ZMYM2: variants seen among roughly 807,000 people sequenced by gnomAD.
The protein encoded by ZMYM2 is zinc finger MYM-type protein 2.
ZMYM2 carries 56 observed loss-of-function variants against 162.8 expected under a neutral mutation model. The observed-to-expected ratio is 0.34, with a 90% CI of 0.28 to 0.43. The LOEUF (loss-of-function observed/expected upper bound fraction) is 0.43. Among genes scored for constraint, ZMYM2 ranks in the 20% least tolerant of loss-of-function variants. ZMYM2 has a pLI of 1.00. For synonymous variants in ZMYM2, 510 were observed against 541.6 expected (o/e 0.94, Z 0.81); for missense variants, 1,275 against 1,621.8 (o/e 0.79, Z 3.67).
chr13:19,966,904 T>TA (rs2139185693), intron 2 of ZMYM2, among the ~76,000 whole-genome samples: 1 of 152,340 alleles, frequency 6.6e-6, no homozygotes, highest in African/African-American at 2.4e-5. Flanking sequence ...TCCTGTTTCT[T>TA]AGCCAAATAA....
chr13:20,002,703 G>C, intron 3 of ZMYM2, 147 bp from the exon 4 acceptor site: 2 of 935,420 alleles, frequency 2.1e-6, no homozygotes, highest in Non-Finnish European at 1.6e-6. Context: ...TCCAAAACTT[G>C]TGCTATATAC....
At chr13:19,898,240 T>C in the ZMYM2 span, among the ~76,000 whole-genome samples, 3 of 151,718 alleles carry the variant, frequency 2.0e-5, no homozygotes, top group South Asian at 6.2e-4. Context: ...ACACACTCTT[T>C]TTTTTTTTTT....
intron 23 of ZMYM2, among the ~76,000 whole-genome samples, chr13:20,083,444 C>G (rs992781419): frequency 6.6e-6 from 1 of 152,150 alleles, no homozygotes; most frequent in South Asian, 2.1e-4. Flanking sequence ...TTGTTAAGAA[C>G]CTAAGGACTG....
chr13:20,019,694 G>C (rs1329612336), intron 7 of ZMYM2, 76 bp downstream of exon 7: 1 of 1,305,198 alleles, frequency 7.7e-7, no homozygotes, highest in Non-Finnish European at 1.1e-6. Flanking sequence ...ATATGTATCT[G>C]AAAAATCTTG....
Position 20,062,874 on chromosome 13 carries a change from T to C in ZMYM2, c.2940T>C (p.Gly980=). The change falls in exon 18 of 25, where the codon GGT becomes GGC. Residue 980 remains glycine (G), a synonymous_variant. Coordinates refer to ENST00000610343, the MANE Select transcript of ZMYM2 (RefSeq NM_197968.4). ...TAATTATTGAAACAGATATAATTGG[T>C]TCAGACCTTTTGAAGAACTCTGACC... ...NSVIIETDII[G]SDLLKNSDPE... is the part of the protein sequence containing the mutation. The C allele has an allele frequency of 6.3e-7, 1 of 1,587,514 alleles. No individual in the cohort carries two copies. Among genetic ancestry groups the C allele is most frequent in the South Asian group, 1.1e-5 (1 of 87,682 alleles).
At chr13:19,898,862 G>A in the ZMYM2 span, among the ~76,000 whole-genome samples, 74 of 152,130 alleles carry the variant, frequency 4.9e-4, no homozygotes, top group African/African-American at 1.8e-3. Context: ...GGAATTTGAG[G>A]CTAGAGACTA....
the ZMYM2 span, among the ~76,000 whole-genome samples, chr13:19,949,209 A>G: frequency 3.4e-4 from 52 of 152,160 alleles, no homozygotes; most frequent in Non-Finnish European, 6.3e-4. Context: ...CAGGAGTTCG[A>G]GACCAGCCTG....
Position 20,007,019 on chromosome 13 carries a change from C to T in ZMYM2, c.1512+433C>T, listed in dbSNP as rs528130777. Reference sequence around the variant, plus strand: ...AATGGTAAATGCTATCAGAATGATTCCTCTTTTGAATTTATTTCCTCTTTG... The same window carrying T: ...AATGGTAAATGCTATCAGAATGATTTCTCTTTTGAATTTATTTCCTCTTTG... On this transcript the variant is annotated intron_variant, in intron 6 of 24. Transcript: ENST00000610343. 3.9e-5 allele frequency among the ~76,000 whole-genome samples: 6 copies of T among 152,236 alleles called. No individual in the cohort carries two copies. In the South Asian group the frequency reaches 1.0e-3, roughly 26 times the overall value.
chr13:20,077,909 C>T (rs1957623607), intron 21 of ZMYM2, among the ~76,000 whole-genome samples: 1 of 147,752 alleles, frequency 6.8e-6, no homozygotes, highest in Non-Finnish European at 1.5e-5. Flanking sequence ...GTGGTGTGAT[C>T]TGGGTTCACG....
chr13:20,020,132 C>T (rs765174223), intron 7 of ZMYM2, among the ~76,000 whole-genome samples: 1 of 151,832 alleles, frequency 6.6e-6, no homozygotes, highest in African/African-American at 2.4e-5. Context: ...GTCAATAGAG[C>T]GTATTCAAAT....
At chr13:20,005,626 A>T (rs1950679837) in intron 5 of ZMYM2, among the ~76,000 whole-genome samples, 1 of 152,210 alleles carries the variant, frequency 6.6e-6, no homozygotes, top group African/African-American at 2.4e-5. Context: ...CGATTGGAAT[A>T]TTTTTTGATA....
intron 10 of ZMYM2, among the ~76,000 whole-genome samples, chr13:20,032,535 T>A (rs1371090539): frequency 6.6e-6 from 1 of 151,842 alleles, no homozygotes; most frequent in Non-Finnish European, 1.5e-5. Flanking sequence ...TGGTGAGTCA[T>A]TCAGTAACTA....
the ZMYM2 span, among the ~76,000 whole-genome samples, chr13:19,927,721 A>C: frequency 6.6e-6 from 1 of 152,164 alleles, no homozygotes; most frequent in Non-Finnish European, 1.5e-5. Context: ...AATGCCAAAT[A>C]ATTTCCGATG....
Position 20,005,016 on chromosome 13 carries a change from A to G in ZMYM2, c.1134-58A>G, listed in dbSNP as rs559114116. The G allele has an allele frequency of 2.8e-6, 4 of 1,409,538 alleles. No individual in the cohort carries two copies. In the South Asian group the frequency reaches 5.1e-5, roughly 18 times the overall value. 87.3% of individuals were successfully genotyped at this position (1,409,538 alleles called of 1,614,324 possible). ...ATAGAAATGAAAAATGTCACTTATG[A>G]CTCTTATATTTGATTTCTTTTAAAA... On this transcript the variant is annotated intron_variant, in intron 4 of 24. Transcript: ENST00000610343.
the ZMYM2 span, among the ~76,000 whole-genome samples, chr13:19,910,083 T>C: frequency 4.0e-5 from 6 of 149,838 alleles, no homozygotes; most frequent in South Asian, 2.1e-4. Context: ...AAAAATTAGC[T>C]GAGCGTGGTG....
At chr13:20,006,613 G>A in intron 6 of ZMYM2, 27 bp downstream of exon 6, 9 of 1,604,622 alleles carry the variant, frequency 5.6e-6, no homozygotes, top group Non-Finnish European at 7.7e-6. Context: ...TCAAAATTGG[G>A]CATTCTTTAG....
chr13:19,885,884 T>C, the ZMYM2 span, among the ~76,000 whole-genome samples: 19,873 of 40,192 alleles, frequency 0.49, 8,258 homozygotes, highest in East Asian at 0.9. Context: ...TATATACACA[T>C]ATATATGTGT....
At chr13:19,912,336 G>GT in the ZMYM2 span, among the ~76,000 whole-genome samples, 8 of 29,896 alleles carry the variant, frequency 2.7e-4, no homozygotes, top group Non-Finnish European at 4.4e-4. Flanking sequence ...TGTTTTTTTT[G>GT]TTTTTTGTTT....
chr13:19,877,908 C>T, the ZMYM2 span, among the ~76,000 whole-genome samples: 1,138 of 152,086 alleles, frequency 7.5e-3, 15 homozygotes, highest in African/African-American at 0.026. Context: ...CTATATACAC[C>T]GAAGTGAAAT....
Sources: gnomAD v4.1 joint callset for allele counts (sites outside exome capture counted in the v4.1 genomes callset) on GRCh38, gnomAD v4.1.1 for gene constraint, MANE v1.5 for transcripts, NCBI Gene and HGNC (gene_info 2026-07-23, HGNC 2026-07-21) for gene names.